Variants in ATL2 observed in about 807,000 individuals in gnomAD.
ATL2 encodes atlastin-2.
ATL2 carries 31 observed loss-of-function variants against 73.9 expected under a neutral mutation model. The observed-to-expected ratio is 0.42, with a 90% CI of 0.32 to 0.57. The LOEUF is 0.57. ATL2 is among the 20% of genes least tolerant of loss of function. The probability of loss-of-function intolerance (pLI) is 0.14; values close to 1 mark genes in which losing one functional copy is unlikely to be tolerated. For synonymous variants in ATL2, 291 were observed against 237.5 expected (o/e 1.23, Z -2.07); for missense variants, 738 against 702.6 (o/e 1.05, Z -0.57).
intron 1 of ATL2, chr2:38,376,051 A>T: frequency 7.3e-7 from 1 of 1,377,512 alleles, no homozygotes; most frequent in South Asian, 1.8e-5. Context: ...CCGTAAAAAA[A>T]GAAATCTTAA....
upstream of ATL2, among the ~76,000 whole-genome samples, chr2:38,378,312 G>A (rs535194413): frequency 6.6e-6 from 1 of 152,230 alleles, no homozygotes; most frequent in Admixed American, 6.5e-5. Context: ...TTCTAGGTAG[G>A]GCATGGTGGC....
rs1573429479 is a variant in ATL2, at chr2:38,302,318, G to A, written c.1072-1990C>T. 2.2e-5 allele frequency among the ~76,000 whole-genome samples: 3 copies of A among 136,046 alleles called. No homozygotes were observed. In the South Asian group the frequency reaches 6.2e-4, roughly 28 times the overall value. The allele number at this position is 136,046 out of a possible 152,430, so 89.3% of individuals were successfully genotyped here. The stretch of plus-strand genomic sequence containing the variant: ...CTTGAGTAAAGGAGACAAAGGCCAG[G>A]TGTGATGGCTCACACCTGTAATCCC... On this transcript the variant is annotated intron_variant, in intron 9 of 12. Transcript: ENST00000378954.
In ATL2 at chr2:38,327,731, T is replaced by C. The variant is rs540997227; in HGVS notation, c.364-8712A>G. 5.9e-5 allele frequency among the ~76,000 whole-genome samples: 9 copies of C among 151,976 alleles called. No homozygotes were observed. In the South Asian group the frequency reaches 1.0e-3, roughly 18 times the overall value. On this transcript the variant is annotated intron_variant, in intron 2 of 12. Transcript: ENST00000378954. ...TGGGTGGATCACCTGAGGTCAGGAGTTCGTGATCAGTCTGGCCAACATGGG... is the reference window on the plus strand; with the variant it reads ...TGGGTGGATCACCTGAGGTCAGGAGCTCGTGATCAGTCTGGCCAACATGGG...
chr2:38,313,247 T>C lies in ATL2; in HGVS notation c.712-4A>G, dbSNP rs758842935. 20 of 1,581,042 alleles carry C rather than the reference T, an allele frequency of 1.3e-5. No homozygotes were observed. The South Asian group carries it at 1.5e-4, about 12-fold the overall frequency. Reference sequence around the variant, plus strand: ...CTCGAATCAAAAACATTAATGTCTATACACAGAAAAAATAAAAATTGTTTA... The same window carrying C: ...CTCGAATCAAAAACATTAATGTCTACACACAGAAAAAATAAAAATTGTTTA... On this transcript the variant is annotated splice_region_variant and splice_polypyrimidine_tract_variant and intron_variant, in intron 6 of 12. Coordinates refer to ENST00000378954, the MANE Select transcript of ATL2 (RefSeq NM_001135673.4).
At chr2:38,373,268 T>C (rs1001390074) in intron 1 of ATL2, among the ~76,000 whole-genome samples, 6 of 152,218 alleles carry the variant, frequency 3.9e-5, no homozygotes, top group African/African-American at 1.4e-4. Context: ...AAAATGTTAC[T>C]AGAGAACCTA....
chr2:38,356,420 C>G (rs1051181255), intron 1 of ATL2, among the ~76,000 whole-genome samples: 4 of 151,682 alleles, frequency 2.6e-5, no homozygotes, highest in Non-Finnish European at 5.9e-5. Context: ...AACTCCTGGG[C>G]TCAAGTGATC....
chr2:38,342,457 A>C (rs1669779363), intron 2 of ATL2, among the ~76,000 whole-genome samples: 1 of 152,242 alleles, frequency 6.6e-6, no homozygotes, highest in Non-Finnish European at 1.5e-5. Flanking sequence ...ATAATATTTG[A>C]GGAAAAAACA....
At chr2:38,377,713 C>T (rs1672074138), upstream of ATL2, among the ~76,000 whole-genome samples, 1 of 152,112 alleles carries the variant, frequency 6.6e-6, no homozygotes, top group South Asian at 2.1e-4. Flanking sequence ...GTGGCTTTCG[C>T]ACCCCTTCTC....
chr2:38,376,047 AAAAAG>A, intron 1 of ATL2: 1 of 1,380,614 alleles, frequency 7.2e-7, no homozygotes, highest in Non-Finnish European at 9.5e-7. Context: ...CACACCGTAA[AAAAAG>A]AAATCTTAAG....
intron 7 of ATL2, among the ~76,000 whole-genome samples, chr2:38,312,010 T>G (rs1328265983): frequency 1.3e-5 from 2 of 152,224 alleles, no homozygotes; most frequent in Admixed American, 1.3e-4. Context: ...AATCTCATTT[T>G]AAAACTAAAA....
intron 7 of ATL2, 54 bp from the exon 8 acceptor site, chr2:38,310,501 T>A (rs1667698590): frequency 1.3e-6 from 2 of 1,507,280 alleles, no homozygotes; most frequent in East Asian, 2.3e-5. Flanking sequence ...AAAATTTTTT[T>A]AAAGAAAATG....
chr2:38,354,133 C>A (rs1292780439), intron 1 of ATL2: 4 of 415,330 alleles, frequency 9.6e-6, no homozygotes, highest in Admixed American at 8.4e-5. Flanking sequence ...TTGCAGTAAG[C>A]GAAGATCGTG....
chr2:38,325,694 ACCAGTAC>A (rs1668592235), intron 2 of ATL2, among the ~76,000 whole-genome samples: 1 of 46,928 alleles, frequency 2.1e-5, no homozygotes, highest in Non-Finnish European at 3.4e-5. Flanking sequence ...ACACACACAC[ACCAGTAC>A]ACACACACAC....
chr2:38,337,486 C>CAAAAAAAAAAAAAAAAAAAAAA lies in ATL2; in HGVS notation c.363+5760_363+5781dup, dbSNP rs755029194. 5.5e-4 allele frequency among the ~76,000 whole-genome samples: 12 copies of CAAAAAAAAAAAAAAAAAAAAAA among 21,662 alleles called. 1 individual carries two copies. The highest frequency in any genetic ancestry group is 6.7e-3 in the South Asian group (2 of 300). 14.2% of individuals were successfully genotyped at this position (21,662 alleles called of 152,430 possible). A position where few individuals can be genotyped will look rare whatever the true frequency, so the allele number is the denominator to read the frequency against. On this transcript the variant is annotated intron_variant, in intron 2 of 12. Coordinates refer to ENST00000378954, the MANE Select transcript of ATL2 (RefSeq NM_001135673.4). ...TGGCGACAGAACAAGACTCTGTCTC[C>CAAAAAAAAAAAAAAAAAAAAAA]AAAAAAAAAAAAAAAAAAAAAAAAA...
chr2:38,368,457 G>A (rs1323973275), intron 1 of ATL2, among the ~76,000 whole-genome samples: 1 of 151,778 alleles, frequency 6.6e-6, no homozygotes, highest in Non-Finnish European at 1.5e-5. Context: ...TCTCCATGTT[G>A]GTCAGGCTGG....
At chr2:38,343,983 A>G (rs895641214) in intron 1 of ATL2, among the ~76,000 whole-genome samples, 4 of 152,160 alleles carry the variant, frequency 2.6e-5, no homozygotes, top group African/African-American at 9.7e-5. Context: ...TGATTCCATT[A>G]AACCTCTTTC....
intron 2 of ATL2, among the ~76,000 whole-genome samples, chr2:38,330,470 T>C (rs1441914518): frequency 6.6e-6 from 1 of 152,086 alleles, no homozygotes; most frequent in Non-Finnish European, 1.5e-5. Flanking sequence ...AAAACAATCA[T>C]CATTTGCAGA....
At chr2:38,373,163 C>T (rs1558465910) in intron 1 of ATL2, among the ~76,000 whole-genome samples, 1 of 152,174 alleles carries the variant, frequency 6.6e-6, no homozygotes, top group Non-Finnish European at 1.5e-5. Context: ...AGTGAAATCA[C>T]TCATTTGATT....
intron 1 of ATL2, among the ~76,000 whole-genome samples, chr2:38,369,723 C>T (rs1671556903): frequency 6.6e-6 from 1 of 151,708 alleles, no homozygotes; most frequent in Non-Finnish European, 1.5e-5. Flanking sequence ...AAAATAAGTA[C>T]ATAAATAAAA....
Sources: gnomAD v4.1 joint callset for allele counts (sites outside exome capture counted in the v4.1 genomes callset) on GRCh38, gnomAD v4.1.1 for gene constraint, MANE v1.5 for transcripts, NCBI Gene and HGNC (gene_info 2026-07-23, HGNC 2026-07-21) for gene names.